The following ETV6 variants were observed in gnomAD, a reference collection of about 807,000 sequenced individuals.
ETV6 encodes transcription factor ETV6.
In ETV6, 16 loss-of-function variants were observed where a neutral mutation model predicts 51.1. The observed-to-expected ratio is 0.31, with a 90% confidence interval of 0.21 to 0.48. The LOEUF is 0.48. ETV6 is among the 20% of genes least tolerant of loss of function. The pLI is 0.99. For synonymous variants in ETV6, 240 were observed against 224.1 expected, an observed-to-expected ratio of 1.07 and a Z score of -0.64; for missense variants, 458 against 594.8, an observed-to-expected ratio of 0.77 and a Z score of 2.39.
intron 1 of ETV6, among the ~76,000 whole-genome samples, chr12:11,701,621 G>A (rs575594114): frequency 9.2e-5 from 14 of 152,292 alleles, no homozygotes; most frequent in African/African-American, 2.9e-4. Flanking sequence ...TGAGGCAGCT[G>A]AGTAGCAAAA....
intron 2 of ETV6, among the ~76,000 whole-genome samples, chr12:11,796,860 C>T (rs1359185228): frequency 6.6e-6 from 1 of 151,298 alleles, no homozygotes; most frequent in African/African-American, 2.4e-5. Flanking sequence ...GAACATGGCT[C>T]ACTGCAGCCT....
At chr12:11,795,791 C>T (rs1234010133) in intron 2 of ETV6, among the ~76,000 whole-genome samples, 2 of 152,174 alleles carry the variant, frequency 1.3e-5, no homozygotes, top group Admixed American at 1.3e-4. Context: ...GGAAGGTTGC[C>T]TAACCTCTCC....
intron 1 of ETV6, among the ~76,000 whole-genome samples, chr12:11,672,446 G>A (rs1021476231): frequency 6.6e-6 from 1 of 152,122 alleles, no homozygotes; most frequent in Non-Finnish European, 1.5e-5. Context: ...ATATCTGCAC[G>A]TGAAGGTGAT....
intron 2 of ETV6, among the ~76,000 whole-genome samples, chr12:11,835,600 C>T (rs1245108001): frequency 1.3e-5 from 2 of 152,194 alleles, no homozygotes; most frequent in East Asian, 1.9e-4. Flanking sequence ...GCATTAAAAG[C>T]AGAGTCCCAC....
At chr12:11,848,568 G>A (rs1299898873) in intron 3 of ETV6, among the ~76,000 whole-genome samples, 3 of 152,226 alleles carry the variant, frequency 2.0e-5, no homozygotes, top group Non-Finnish European at 2.9e-5. Flanking sequence ...GGCTTTTCAT[G>A]TAAAGATCAC....
At chr12:11,697,488 G>T (rs1222573409) in intron 1 of ETV6, among the ~76,000 whole-genome samples, 1 of 152,206 alleles carries the variant, frequency 6.6e-6, no homozygotes, top group Admixed American at 6.5e-5. Flanking sequence ...TTTGACTTCT[G>T]TGGGCCTTGC....
chr12:11,879,365 AAGTTTTTTAAGGCATC>A (rs1947050535), intron 5 of ETV6, among the ~76,000 whole-genome samples: 2 of 152,258 alleles, frequency 1.3e-5, no homozygotes, highest in Non-Finnish European at 2.9e-5. Flanking sequence ...TTCCTACTCA[AAGTTTTTTAAGGCATC>A]AGTTTTGTCT....
intron 2 of ETV6, among the ~76,000 whole-genome samples, chr12:11,782,882 T>A (rs761018104): frequency 6.6e-6 from 1 of 152,176 alleles, no homozygotes; most frequent in African/African-American, 2.4e-5. Flanking sequence ...TAAGTATACA[T>A]CTATTGACTG....
intron 2 of ETV6, chr12:11,826,433 A>T (rs1426761533): frequency 1.3e-5 from 2 of 152,246 alleles, no homozygotes; most frequent in African/African-American, 4.8e-5. Context: ...GAAGAATCGT[A>T]AGCCATGAAT....
chr12:11,738,599 G>A (rs1015557885), intron 1 of ETV6, among the ~76,000 whole-genome samples: 5 of 151,944 alleles, frequency 3.3e-5, no homozygotes, highest in African/African-American at 1.2e-4. Context: ...GACCCACTGC[G>A]CCTCTGCCCT....
chr12:11,752,622 G>C (rs544148425), intron 2 of ETV6, 43 bp downstream of exon 2: 4 of 1,575,100 alleles, frequency 2.5e-6, no homozygotes, highest in Non-Finnish European at 2.6e-6. Flanking sequence ...TTGATGGCGT[G>C]GGGCGGGGGT....
chr12:11,700,472 A>G (rs1008050257), intron 1 of ETV6, among the ~76,000 whole-genome samples: 1 of 152,192 alleles, frequency 6.6e-6, no homozygotes, highest in Non-Finnish European at 1.5e-5. Context: ...AACATGCAAT[A>G]TCTTACTTTC....
chr12:11,809,297 T>C (rs1163234977), intron 2 of ETV6, among the ~76,000 whole-genome samples: 2 of 149,338 alleles, frequency 1.3e-5, no homozygotes, highest in Non-Finnish European at 3.0e-5. Flanking sequence ...GCAAAATGAA[T>C]ATAGGAAAAA....
At chr12:11,741,575 G>C (rs144353795) in intron 1 of ETV6, among the ~76,000 whole-genome samples, 110 of 152,334 alleles carry the variant, frequency 7.2e-4, no homozygotes, top group African/African-American at 2.5e-3. Context: ...GTGGACATGG[G>C]GGGAGCTGCA....
intron 5 of ETV6, among the ~76,000 whole-genome samples, chr12:11,880,397 G>C (rs1660280823): frequency 6.6e-6 from 1 of 152,160 alleles, no homozygotes; most frequent in African/African-American, 2.4e-5. Flanking sequence ...GGTGTTCTCT[G>C]GTAAGCCCTG....
At position 11,702,729 on chromosome 12, in the gene ETV6, T is replaced by C. The variant is rs74062392; in HGVS notation, c.34-49721T>C. On this transcript the variant is annotated intron_variant, in intron 1 of 7. Transcript: ENST00000396373. ...TCATGAAGGGCTTACCAGGAAGACA[T>C]AGTCGTTGTTCATATGCAGTTTCTA... 2.0e-3 allele frequency among the ~76,000 whole-genome samples: 305 copies of C among 152,316 alleles called. 1 individual carries two copies. Among genetic ancestry groups the C allele is most frequent in the African/African-American group, 7.1e-3 (294 of 41,566 alleles).
At chr12:11,776,321 C>A (rs1214703002) in intron 2 of ETV6, among the ~76,000 whole-genome samples, 2 of 151,982 alleles carry the variant, frequency 1.3e-5, no homozygotes, top group East Asian at 3.9e-4. Flanking sequence ...AAATAACTCA[C>A]CAAAGAATAA....
At chr12:11,807,370 T>C (rs1178847543) in intron 2 of ETV6, among the ~76,000 whole-genome samples, 1 of 152,156 alleles carries the variant, frequency 6.6e-6, no homozygotes, top group African/African-American at 2.4e-5. Context: ...TAGAGAAAAT[T>C]GGTAGAGTGA....
chr12:11,719,351 C>T (rs557401322), intron 1 of ETV6, among the ~76,000 whole-genome samples: 4 of 152,298 alleles, frequency 2.6e-5, no homozygotes, highest in East Asian at 1.9e-4. Flanking sequence ...TTAAAAATAC[C>T]GACAAACATA....
Sources: gnomAD v4.1 joint callset for allele counts (sites outside exome capture counted in the v4.1 genomes callset) on GRCh38, gnomAD v4.1.1 for gene constraint, MANE v1.5 for transcripts, NCBI Gene and HGNC (gene_info 2026-07-23, HGNC 2026-07-21) for gene names.